MUC4: variants seen among roughly 807,000 people sequenced by gnomAD.
The protein encoded by MUC4 is mucin 4, cell surface associated, also known as mucin-4.
MUC4 carries 202 observed loss-of-function variants against 257.9 expected under a neutral mutation model. The observed-to-expected ratio is 0.78, with a 90% CI of 0.70 to 0.88. MUC4 has a LOEUF of 0.88. MUC4 is among the 40% of genes least tolerant of loss of function. The probability of loss-of-function intolerance (pLI) is 0.00; values close to 1 mark genes in which losing one functional copy is unlikely to be tolerated. For missense variants in MUC4, 5,976 were observed against 6,513.7 expected (o/e 0.92, Z 2.84); for synonymous variants, 2,351 against 2,757.1 (o/e 0.85, Z 4.62).
chr3:195,762,106 G>T lies in MUC4; in HGVS notation c.14493C>A (p.Asn4831Lys). The T allele has an allele frequency of 6.2e-7, 1 of 1,604,374 alleles. No individual in the cohort carries two copies. Among genetic ancestry groups the T allele is most frequent in the Middle Eastern group, 1.7e-4 (1 of 5,972 alleles). ...CCTCACCCAGGAGCCCCTCCGTGCG[G>T]TTCTGGTACTCGGGCGGGAGGCTGG... is the stretch of plus-strand genomic sequence containing the variant. ...ASASLPPEYQ[N>K]RTEGLLGVWN... is the part of the protein sequence containing the mutation. Residue 4831 changes from asparagine (N) to lysine (K), a missense_variant, in exon 14 of 25, where the codon AAC (asparagine) becomes AAA (lysine). Asn to Lys is a moderately conservative substitution (Grantham distance 94). Coordinates refer to ENST00000463781, the MANE Select transcript of MUC4 (RefSeq NM_018406.7).
Position 195,786,388 on chromosome 3 carries a change from A to T in MUC4, c.5192T>A (p.Val1731Asp). ...TGTGGATGCTGAGGAAGGGCTAGTG[A>T]CAGGAAGAGGCGTGGTGTCACCTGT... Reference protein sequence around the residue: ...VSTGDTTPLPVTSPSSASTGH... With the variant: ...VSTGDTTPLPDTSPSSASTGH... Residue 1731 changes from valine to aspartate, a missense_variant, in exon 2 of 25, where the codon GTC becomes GAC. Coordinates refer to ENST00000463781, the MANE Select transcript of MUC4 (RefSeq NM_018406.7). 1.3e-6 allele frequency: 2 copies of T among 1,531,064 alleles called. No homozygotes were observed. Among genetic ancestry groups the T allele is most frequent in the Non-Finnish European group, 1.8e-6 (2 of 1,135,096 alleles). The allele number at this position is 1,531,064 out of a possible 1,614,324, so 94.8% of individuals were successfully genotyped here.
At chr3:195,759,947 G>T (rs1410761416) in intron 16 of MUC4, among the ~76,000 whole-genome samples, 8 of 40,166 alleles carry the variant, frequency 2.0e-4, no homozygotes, top group African/African-American at 4.6e-4. Flanking sequence ...ACAAAACCTG[G>T]AGGGTCACAT....
intron 1 of MUC4, among the ~76,000 whole-genome samples, chr3:195,811,001 G>A (rs921601629): frequency 5.3e-5 from 8 of 151,808 alleles, no homozygotes; most frequent in Non-Finnish European, 1.0e-4. Context: ...AGACATCGCC[G>A]GGCTGCTCTC....
At position 195,746,842 on chromosome 3, in the gene MUC4, G is replaced by C; in HGVS notation, c.*334C>G. The C allele has an allele frequency of 2.6e-6, 1 of 389,674 alleles. No homozygotes were observed. Among genetic ancestry groups the C allele is most frequent in the Non-Finnish European group, 4.6e-6 (1 of 218,032 alleles). 24.1% of individuals were successfully genotyped at this position (389,674 alleles called of 1,614,324 possible). On this transcript the variant is annotated 3_prime_UTR_variant, in exon 25 of 25. Coordinates refer to ENST00000463781, the MANE Select transcript of MUC4 (RefSeq NM_018406.7). ...AGTAAACCAGAGAGTTTTGTGTGCA[G>C]AAGCATTTTGCTTAACTTAGGGCCA...
At chr3:195,762,801 C>A in intron 13 of MUC4, 54 bp downstream of exon 13, 1 of 1,146,478 alleles carries the variant, frequency 8.7e-7, no homozygotes, top group African/African-American at 1.6e-5. Context: ...CGGCTTCCCG[C>A]CCACCTCGCT....
intron 15 of MUC4, 141 bp downstream of exon 15, chr3:195,761,343 T>G (rs1056580502): frequency 2.6e-6 from 2 of 781,296 alleles, no homozygotes; most frequent in Non-Finnish European, 2.1e-6. Flanking sequence ...CTGGTGGTGG[T>G]GGGGACAGCC....
chr3:195,757,810 C>T lies in MUC4; in HGVS notation c.14987-482G>A, dbSNP rs1007708897. ...TCAGACACCAGACTGTAGTGAAACA[C>T]TACTACATATCTTCAGATCAAACTG... On this transcript the variant is annotated intron_variant, in intron 17 of 24. Transcript: ENST00000463781. This position sits in a 1 kb window ranked among gnomAD's most constrained non-coding sequence, Gnocchi z 4.8. Among the ~76,000 whole-genome samples, 1 of 152,146 alleles carries T rather than the reference C, an allele frequency of 6.6e-6. No individual in the cohort carries two copies. The highest frequency in any genetic ancestry group is 2.4e-5 in the African/African-American group (1 of 41,414).
rs557402654 is a variant in MUC4, at chr3:195,802,033, G to A, written c.82+9703C>T. The stretch of plus-strand genomic sequence containing the variant: ...CTGGCCACCCTGCGTCTACTCTCAC[G>A]CCTTACAAATCTGTACTTCTCCCTG... On this transcript the variant is annotated intron_variant, in intron 1 of 24. Coordinates refer to ENST00000463781, the MANE Select transcript of MUC4 (RefSeq NM_018406.7). Among the ~76,000 whole-genome samples, 30 of 152,052 alleles carry A rather than the reference G, an allele frequency of 2.0e-4. No homozygotes were observed. In the South Asian group the frequency reaches 5.6e-3, roughly 28 times the overall value.
rs1439991024 is a variant in MUC4, at chr3:195,767,553, CATT to C, written c.13530-805_13530-803del. 3.9e-3 allele frequency among the ~76,000 whole-genome samples: 423 copies of C among 108,712 alleles called. 12 individuals carry two copies. Among genetic ancestry groups the C allele is most frequent in the African/African-American group, 0.022 (387 of 17,978 alleles). The allele number at this position is 108,712 out of a possible 152,430, so 71.3% of individuals were successfully genotyped here. A position where few individuals can be genotyped will look rare whatever the true frequency, so the allele number is the denominator to read the frequency against. On this transcript the variant is annotated intron_variant, in intron 7 of 24. Coordinates refer to ENST00000463781, the MANE Select transcript of MUC4 (RefSeq NM_018406.7). ...TCGCCACCACCATCATCACCATCAC[CATT>C]ACCATTGCCACCACCATCACCACCA...
At chr3:195,774,132 C>G (rs776209000) in intron 4 of MUC4, 40 bp downstream of exon 4, 6 of 1,565,932 alleles carry the variant, frequency 3.8e-6, no homozygotes, top group Non-Finnish European at 5.2e-6. Flanking sequence ...AGAAGTGGGC[C>G]CTGGGAGTTC....
intron 1 of MUC4, among the ~76,000 whole-genome samples, chr3:195,796,623 A>C (rs1206378605): frequency 6.6e-6 from 1 of 151,916 alleles, no homozygotes; most frequent in Admixed American, 6.5e-5. Context: ...CCTGGGAGGC[A>C]GAGGTTGCAG....
Position 195,780,299 on chromosome 3 carries a change from G to A in MUC4, c.11281C>T (p.Leu3761Phe). 2 of 1,520,646 alleles carry A rather than the reference G, an allele frequency of 1.3e-6. No homozygotes were observed. Among genetic ancestry groups the A allele is most frequent in the Non-Finnish European group, 8.9e-7 (1 of 1,123,064 alleles). The allele number at this position is 1,520,646 out of a possible 1,614,324, so 94.2% of individuals were successfully genotyped here. A position where few individuals can be genotyped will look rare whatever the true frequency, so the allele number is the denominator to read the frequency against. ...ACTGAGGAAGCGTCGGTGACAAGAA[G>A]AGGGGTGGCGTGACCTGTGGATGCT... is the stretch of plus-strand genomic sequence containing the variant. ...SSASTGHATP[L>F]LVTDASSVST... Residue 3761 changes from leucine to phenylalanine, a missense_variant, in exon 2 of 25, where the codon CTT (leucine) becomes TTT (phenylalanine). Physicochemically the swap from Leu to Phe is conservative, Grantham distance 22 (BLOSUM62 0). This residue lies in a region of MUC4 where 330 missense variants were observed against 262.0 expected (regional missense o/e 1.26). Coordinates refer to ENST00000463781, the MANE Select transcript of MUC4 (RefSeq NM_018406.7).
At chr3:195,763,110 G>C (rs929819651) in intron 12 of MUC4, among the ~76,000 whole-genome samples, 165 bp from the exon 13 acceptor site, 3 of 152,262 alleles carry the variant, frequency 2.0e-5, no homozygotes, top group Non-Finnish European at 2.9e-5. Flanking sequence ...CCGTGTGCTC[G>C]GCAGGGCCAG....
At chr3:195,767,621 T>TCACCACCACCATCACCAC (rs759760627) in intron 7 of MUC4, among the ~76,000 whole-genome samples, 1 of 27,196 alleles carries the variant, frequency 3.7e-5, no homozygotes, top group Non-Finnish European at 7.4e-5. Flanking sequence ...GCCACCACCA[T>TCACCACCACCATCACCAC]CACCACCATC....
At chr3:195,791,765 C>G (rs752217998) in intron 1 of MUC4, among the ~76,000 whole-genome samples, 1 of 152,210 alleles carries the variant, frequency 6.6e-6, no homozygotes, top group Non-Finnish European at 1.5e-5. Flanking sequence ...ACCAAAACAG[C>G]ATGGTACTGG....
intron 14 of MUC4, 23 bp downstream of exon 14, chr3:195,762,064 A>G: frequency 6.4e-7 from 1 of 1,569,320 alleles, no homozygotes. Context: ...GGAGCCTCAG[A>G]GGCAGGTCCG....
chr3:195,769,961 CTA>C (rs1722429305), intron 6 of MUC4, among the ~76,000 whole-genome samples: 2 of 151,812 alleles, frequency 1.3e-5, no homozygotes, highest in East Asian at 1.9e-4. Context: ...ATGCCACTTG[CTA>C]TGTTTCAGCC....
chr3:195,753,875 T>C (rs547299132), intron 19 of MUC4: 27 of 296,352 alleles, frequency 9.1e-5, no homozygotes, highest in African/African-American at 5.8e-4. Flanking sequence ...CTCTGGCGGC[T>C]GCTGAAGTCT....
chr3:195,810,736 G>T lies in MUC4; in HGVS notation c.82+1000C>A, dbSNP rs965712766. 3.3e-5 allele frequency among the ~76,000 whole-genome samples: 5 copies of T among 152,226 alleles called. No individual in the cohort carries two copies. The South Asian group carries it at 6.2e-4, about 19-fold the overall frequency. ...CTCCTTGTCGCTTCCCTTGCTTGCT[G>T]CTGTCTCCCGATCTTCTCCTCTCTC... is the stretch of plus-strand genomic sequence containing the variant. On this transcript the variant is annotated intron_variant, in intron 1 of 24. Transcript: ENST00000463781. This position sits in a 1 kb window ranked among gnomAD's most constrained non-coding sequence, Gnocchi z 4.2.
Sources: allele counts gnomAD v4.1 joint callset (sites outside exome capture counted in the v4.1 genomes callset), GRCh38; gene constraint gnomAD v4.1.1; regional missense constraint gnomAD v4.1.1; non-coding constraint Gnocchi (gnomAD v3.1); transcripts MANE v1.5; gene names NCBI Gene and HGNC (gene_info 2026-07-23, HGNC 2026-07-21).